TBX19: variants seen among roughly 807,000 people sequenced by gnomAD.
TBX19 encodes T-box transcription factor 19.
TBX19 carries 33 observed loss-of-function variants against 40.9 expected under a neutral mutation model. The observed-to-expected ratio is 0.81, with a 90% CI of 0.61 to 1.08. TBX19 has a LOEUF of 1.08. Among genes scored for constraint, TBX19 ranks in the 50% least tolerant of loss-of-function variants. The pLI, the probability that TBX19 is intolerant of heterozygous loss-of-function variation, is 0.00. For missense variants in TBX19, 494 were observed against 574.0 expected (o/e 0.86, Z 1.42); for synonymous variants, 220 against 225.0 (o/e 0.98, Z 0.20).
intron 1 of TBX19, among the ~76,000 whole-genome samples, chr1:168,282,574 T>C (rs1004433228): frequency 6.6e-6 from 1 of 152,228 alleles, no homozygotes; most frequent in Non-Finnish European, 1.5e-5. Flanking sequence ...TTACTGTAAT[T>C]ATAGTTCCTT....
chr1:168,281,326 A>C, intron 1 of TBX19, 33 bp downstream of exon 1: 7 of 1,602,176 alleles, frequency 4.4e-6, no homozygotes, highest in African/African-American at 1.3e-5. Context: ...GTGGGCTGGC[A>C]GGGCTTGGCA....
chr1:168,299,602 A>C (rs1046746745), intron 4 of TBX19, among the ~76,000 whole-genome samples: 2 of 152,060 alleles, frequency 1.3e-5, no homozygotes, highest in Non-Finnish European at 2.9e-5. Context: ...CAGCCTCCCA[A>C]GTAGTGGGGA....
At chr1:168,295,962 T>C (rs1427506446) in intron 3 of TBX19, among the ~76,000 whole-genome samples, 1 of 152,220 alleles carries the variant, frequency 6.6e-6, no homozygotes, top group Non-Finnish European at 1.5e-5. Flanking sequence ...CTGGTCATTT[T>C]TGACCCATCC....
intron 1 of TBX19, among the ~76,000 whole-genome samples, chr1:168,290,389 C>T (rs1266451886): frequency 6.6e-6 from 1 of 152,208 alleles, no homozygotes; most frequent in Non-Finnish European, 1.5e-5. Context: ...AAATGATAAT[C>T]CCACTGTCAC....
chr1:168,301,803 T>G (rs1649281172), intron 5 of TBX19, among the ~76,000 whole-genome samples: 1 of 152,212 alleles, frequency 6.6e-6, no homozygotes, highest in Admixed American at 6.5e-5. Context: ...TATTGTTCTT[T>G]GTATCACACA....
rs778916517 is a variant in TBX19, at chr1:168,291,421, G to C, written c.465G>C (p.Gly155=). 1 of 1,614,168 alleles carries C rather than the reference G, an allele frequency of 6.2e-7. No individual in the cohort carries two copies. The highest frequency in any genetic ancestry group is 8.5e-7 in the Non-Finnish European group (1 of 1,180,034). Residue 155 remains glycine (G), a synonymous_variant, in exon 2 of 8, where the codon GGG becomes GGC. Coordinates refer to ENST00000367821, the MANE Select transcript of TBX19 (RefSeq NM_005149.3). ...TGACCAACAAGCTCAATGGAGGCGGGCAGGTACGAATGAGGCGGGCAGGCC... is the reference window on the plus strand; with the variant it reads ...TGACCAACAAGCTCAATGGAGGCGGCCAGGTACGAATGAGGCGGGCAGGCC... ...VKLTNKLNGG[G]QIMLNSLHKY... is the part of the protein sequence containing the mutation.
chr1:168,297,610 T>C (rs1450124459), intron 3 of TBX19, 114 bp from the exon 4 acceptor site: 2 of 907,394 alleles, frequency 2.2e-6, no homozygotes, highest in Non-Finnish European at 3.6e-6. Context: ...TCGTGCCTGG[T>C]GGGAAAGGGA....
chr1:168,309,023 AG>A, intron 7 of TBX19, 146 bp downstream of exon 7: 1 of 1,158,220 alleles, frequency 8.6e-7, no homozygotes, highest in Non-Finnish European at 1.3e-6. Context: ...AGGTGGCAAC[AG>A]GGTGGAGTTC....
intron 7 of TBX19, among the ~76,000 whole-genome samples, chr1:168,311,143 GAGAA>G (rs1222069044): frequency 1.3e-5 from 2 of 151,956 alleles, no homozygotes; most frequent in Non-Finnish European, 2.9e-5. Flanking sequence ...GGTAGGAAGT[GAGAA>G]AGAGAGTGAA....
chr1:168,292,953 G>C (rs1648983633), intron 2 of TBX19, among the ~76,000 whole-genome samples, 191 bp from the exon 3 acceptor site: 1 of 151,724 alleles, frequency 6.6e-6, no homozygotes, highest in African/African-American at 2.4e-5. Flanking sequence ...ATGCTTCCTG[G>C]AGCTTCTGGA....
chr1:168,312,354 C>A (rs1334462154), intron 7 of TBX19, among the ~76,000 whole-genome samples: 1 of 152,192 alleles, frequency 6.6e-6, no homozygotes, highest in Non-Finnish European at 1.5e-5. Context: ...AGGGAGAGAT[C>A]ATATGCAGAA....
intron 1 of TBX19, among the ~76,000 whole-genome samples, chr1:168,290,198 C>G (rs890671250): frequency 6.6e-6 from 1 of 152,110 alleles, no homozygotes; most frequent in African/African-American, 2.4e-5. Context: ...CGTGGGGTTT[C>G]TTTTCGGGAT....
rs751759621 is a variant in TBX19 at position 168,297,638 on chromosome 1, T to G, written c.604-86T>G. On this transcript the variant is annotated intron_variant, in intron 3 of 7. Transcript: ENST00000367821. ...GAAAGGGAAGGAAAAGAGAGGGAAT[T>G]AAACTGGTTTTACAGAAGACAAAGG... 5.3e-5 allele frequency: 65 copies of G among 1,235,298 alleles called. 1 individual carries two copies. The East Asian group carries it at 1.4e-3, about 27-fold the overall frequency. 76.5% of individuals were successfully genotyped at this position (1,235,298 alleles called of 1,614,324 possible). A position where few individuals can be genotyped will look rare whatever the true frequency, so the allele number is the denominator to read the frequency against.
intron 3 of TBX19, among the ~76,000 whole-genome samples, chr1:168,295,035 C>G (rs150485192): frequency 0.036 from 5,550 of 152,152 alleles, 286 homozygotes; most frequent in African/African-American, 0.11. Context: ...GCTCACGTCT[C>G]TAATCCCAGC....
At chr1:168,299,933 G>A (rs1005312368) in intron 4 of TBX19, among the ~76,000 whole-genome samples, 1 of 152,172 alleles carries the variant, frequency 6.6e-6, no homozygotes, top group Non-Finnish European at 1.5e-5. Context: ...TTGAGTAAGA[G>A]GTCCTGACTG....
At chr1:168,289,740 A>C (rs1345480866) in intron 1 of TBX19, among the ~76,000 whole-genome samples, 1 of 152,156 alleles carries the variant, frequency 6.6e-6, no homozygotes, top group Non-Finnish European at 1.5e-5. Flanking sequence ...CCGTATTACC[A>C]TTACACCCAA....
Position 168,313,174 on chromosome 1 carries a change from T to C in TBX19, c.*172T>C. ...GGAGAGGGTTCAGTTTGGATGATGC[T>C]AGTTAGATCATTTGCATCTCTCCAC... On this transcript the variant is annotated 3_prime_UTR_variant, in exon 8 of 8. Coordinates refer to ENST00000367821, the MANE Select transcript of TBX19 (RefSeq NM_005149.3). The C allele has an allele frequency of 4.1e-6, 3 of 727,242 alleles. No homozygotes were observed. Among genetic ancestry groups the C allele is most frequent in the South Asian group, 1.8e-5 (1 of 56,024 alleles). 45.0% of individuals were successfully genotyped at this position (727,242 alleles called of 1,614,324 possible). A position where few individuals can be genotyped will look rare whatever the true frequency, so the allele number is the denominator to read the frequency against.
At chr1:168,304,760 C>T (rs1649359872) in intron 5 of TBX19, among the ~76,000 whole-genome samples, 1 of 152,232 alleles carries the variant, frequency 6.6e-6, no homozygotes, top group Admixed American at 6.5e-5. Flanking sequence ...AAAATTTTCT[C>T]ACTGATACAA....
Position 168,291,311 on chromosome 1 carries a change from C to T in TBX19, c.355C>T (p.His119Tyr), listed in dbSNP as rs771786894. The T allele has an allele frequency of 1.2e-6, 2 of 1,614,116 alleles. No homozygotes were observed. The highest frequency in any genetic ancestry group is 2.7e-5 in the African/African-American group (2 of 74,942). Residue 119 changes from histidine (H) to tyrosine (Y), a missense_variant, in exon 2 of 8, where the codon CAC becomes TAC. Physicochemically the swap from His to Tyr is moderately conservative, Grantham distance 83. This residue lies in a region of TBX19 where 201 missense variants were observed against 235.2 expected (regional missense o/e 0.85). Transcript: ENST00000367821. ...VPAGKPEVSS[H>Y]SCVYIHPDSP... ...CGCTGGCAAGCCAGAGGTCTCCAGCCACAGCTGCGTCTACATTCACCCGGA... is the reference window on the plus strand; with the variant it reads ...CGCTGGCAAGCCAGAGGTCTCCAGCTACAGCTGCGTCTACATTCACCCGGA...
Sources: gnomAD v4.1 joint callset for allele counts (sites outside exome capture counted in the v4.1 genomes callset) on GRCh38, gnomAD v4.1.1 for gene constraint, gnomAD v4.1.1 regional missense constraint, MANE v1.5 for transcripts, NCBI Gene and HGNC (gene_info 2026-07-23, HGNC 2026-07-21) for gene names.